Variants in DAPK1 observed in about 807,000 individuals in gnomAD.
DAPK1 encodes the protein death associated protein kinase 1.
DAPK1 carries 56 observed loss-of-function variants against 144.9 expected under a neutral mutation model. The ratio of observed to expected loss-of-function variants is 0.39; its 90% CI spans 0.31 to 0.48. The LOEUF (loss-of-function observed/expected upper bound fraction) is 0.48, where lower values mean the gene tolerates loss of function less well. DAPK1 is among the 20% of genes least tolerant of loss of function. The pLI, the probability that DAPK1 is intolerant of heterozygous loss-of-function variation, is 0.95. For synonymous variants in DAPK1, 690 were observed against 749.0 expected, an observed-to-expected ratio of 0.92 and a Z score of 1.29; for missense variants, 1,454 against 1,875.4, an observed-to-expected ratio of 0.78 and a Z score of 4.15.
intron 2 of DAPK1, among the ~76,000 whole-genome samples, chr9:87,567,497 G>T (rs781582538): frequency 1.3e-5 from 2 of 152,180 alleles, no homozygotes; most frequent in Non-Finnish European, 2.9e-5. Flanking sequence ...AGAAAGACCA[G>T]GTGTGGATCA....
In DAPK1 at chr9:87,706,366, A is replaced by G. The variant is rs1422494583; in HGVS notation, c.3295A>G (p.Thr1099Ala). ...DICARDLSSG[T>A]MVDVPALIKT... ...CTGCGCCCGGGACCTGAGCAGCGGGACCATGGTGGACGTCCCAGCCCTGAT... is the reference window on the plus strand; with the variant it reads ...CTGCGCCCGGGACCTGAGCAGCGGGGCCATGGTGGACGTCCCAGCCCTGAT... Residue 1099 changes from threonine to alanine, a missense_variant, in exon 26 of 26, where the codon ACC becomes GCC. Thr to Ala is a moderately conservative substitution (Grantham distance 58). This residue lies in a region of DAPK1 where 1,025 missense variants were observed against 1,237.9 expected (regional missense o/e 0.83). Transcript: ENST00000408954. The surrounding 1 kb of genome is among the most constrained non-coding windows in gnomAD (Gnocchi z 9.0). The G allele has an allele frequency of 3.7e-6, 6 of 1,609,546 alleles. No homozygotes were observed. Among genetic ancestry groups the G allele is most frequent in the Non-Finnish European group, 5.1e-6 (6 of 1,177,930 alleles).
At chr9:87,689,865 G>A (rs1461519057) in intron 21 of DAPK1, among the ~76,000 whole-genome samples, 1 of 152,112 alleles carries the variant, frequency 6.6e-6, no homozygotes, top group African/African-American at 2.4e-5. Context: ...TGGTCTATGT[G>A]TCTGTTTTTA....
Position 87,706,068 on chromosome 9 carries a change from A to G in DAPK1, c.3061-64A>G, listed in dbSNP as rs1825622294. 14 of 1,260,844 alleles carry G rather than the reference A, an allele frequency of 1.1e-5. No homozygotes were observed. The South Asian group carries it at 1.6e-4, about 15-fold the overall frequency. The allele number at this position is 1,260,844 out of a possible 1,614,324, so 78.1% of individuals were successfully genotyped here. A position where few individuals can be genotyped will look rare whatever the true frequency, so the allele number is the denominator to read the frequency against. On this transcript the variant is annotated intron_variant, in intron 25 of 25. Coordinates refer to ENST00000408954, the MANE Select transcript of DAPK1 (RefSeq NM_004938.4). This position sits in a 1 kb window ranked among gnomAD's most constrained non-coding sequence, Gnocchi z 9.0. ...CCGGCATCAGGCCCTTTAGTGCTCTAAGTGGCTGGTGCACCTGGCCAGGGC... is the reference window on the plus strand; with the variant it reads ...CCGGCATCAGGCCCTTTAGTGCTCTGAGTGGCTGGTGCACCTGGCCAGGGC...
intron 2 of DAPK1, among the ~76,000 whole-genome samples, chr9:87,585,416 A>T (rs868314086): frequency 1.3e-5 from 2 of 152,230 alleles, no homozygotes; most frequent in South Asian, 4.1e-4. Flanking sequence ...TAGGTTGTCT[A>T]TTTGGCTTCT....
chr9:87,641,528 T>G (rs1830093621), intron 9 of DAPK1, among the ~76,000 whole-genome samples: 3 of 152,002 alleles, frequency 2.0e-5, no homozygotes, highest in African/African-American at 7.3e-5. Context: ...CTCCCAGAGG[T>G]GGAGGACAAA....
chr9:87,599,455 T>C (rs1828435489), intron 2 of DAPK1, among the ~76,000 whole-genome samples: 1 of 152,216 alleles, frequency 6.6e-6, no homozygotes, highest in Non-Finnish European at 1.5e-5. Context: ...CTGTTCTTTA[T>C]GAAGCTTGCT....
chr9:87,593,442 T>G (rs1337792905), intron 2 of DAPK1, among the ~76,000 whole-genome samples: 1 of 151,886 alleles, frequency 6.6e-6, no homozygotes, highest in Non-Finnish European at 1.5e-5. Context: ...TGTTCATCTT[T>G]CTTTGTTCTT....
chr9:87,614,001 G>A (rs1267525471), intron 3 of DAPK1, among the ~76,000 whole-genome samples: 1 of 152,242 alleles, frequency 6.6e-6, no homozygotes, highest in Non-Finnish European at 1.5e-5. Flanking sequence ...CAAGAGCAGA[G>A]AAGTAAAGTG....
At chr9:87,580,784 G>A (rs976738606) in intron 2 of DAPK1, among the ~76,000 whole-genome samples, 4 of 152,108 alleles carry the variant, frequency 2.6e-5, no homozygotes, top group South Asian at 2.1e-4. Flanking sequence ...AGACATATAC[G>A]AGTCTCCCAC....
rs1420321578 is a variant in DAPK1, at chr9:87,706,177, G to C, written c.3106G>C (p.Asp1036His). The part of the protein sequence containing the change: ...SETVQDVLLL[D>H]PRWLCTNVLG... ...AACAGTTCAGGACGTGCTGCTCCTGGACCCCCGCTGGCTCTGCACAAACGT... is the reference window on the plus strand; with the variant it reads ...AACAGTTCAGGACGTGCTGCTCCTGCACCCCCGCTGGCTCTGCACAAACGT... Residue 1036 changes from aspartate (D) to histidine (H), a missense_variant, in exon 26 of 26, where the codon GAC (aspartate) becomes CAC (histidine). Around this residue, in one of 2 missense-constraint regions of DAPK1, gnomAD observed 1,025 missense variants for 1,237.9 expected, o/e 0.83. Coordinates refer to ENST00000408954, the MANE Select transcript of DAPK1 (RefSeq NM_004938.4). This position sits in a 1 kb window ranked among gnomAD's most constrained non-coding sequence, Gnocchi z 9.0. The C allele has an allele frequency of 6.2e-7, 1 of 1,609,600 alleles. No homozygotes were observed. Among genetic ancestry groups the C allele is most frequent in the African/African-American group, 1.3e-5 (1 of 74,836 alleles).
At chr9:87,672,119 C>G (rs1343056921) in intron 19 of DAPK1, among the ~76,000 whole-genome samples, 2 of 152,196 alleles carry the variant, frequency 1.3e-5, no homozygotes, top group Non-Finnish European at 2.9e-5. Context: ...CCCTTGCACA[C>G]TGCCTGCACA....
Position 87,657,879 on chromosome 9 carries a change from C to G in DAPK1, c.1825-150C>G, listed in dbSNP as rs577275534. ...AAAGGTTCTGCCTGGCTGGCCTGCC[C>G]CAGTGGAGAGCAAGTTTCAGGAGAA... On this transcript the variant is annotated intron_variant, in intron 17 of 25. Coordinates refer to ENST00000408954, the MANE Select transcript of DAPK1 (RefSeq NM_004938.4). The G allele has an allele frequency of 1.3e-4, 86 of 671,400 alleles. 1 individual carries two copies. The East Asian group carries it at 1.6e-3, about 13-fold the overall frequency. 41.6% of individuals were successfully genotyped at this position (671,400 alleles called of 1,614,324 possible). A position where few individuals can be genotyped will look rare whatever the true frequency, so the allele number is the denominator to read the frequency against.
Position 87,707,537 on chromosome 9 carries a change from C to G in DAPK1, c.*173C>G. 1 of 599,626 alleles carries G rather than the reference C, an allele frequency of 1.7e-6. No homozygotes were observed. The highest frequency in any genetic ancestry group is 2.8e-5 in the East Asian group (1 of 36,232). The allele number at this position is 599,626 out of a possible 1,614,324, so 37.1% of individuals were successfully genotyped here. On this transcript the variant is annotated 3_prime_UTR_variant, in exon 26 of 26. Transcript: ENST00000408954. The surrounding 1 kb of genome is among the most constrained non-coding windows in gnomAD (Gnocchi z 4.0). The stretch of plus-strand genomic sequence containing the variant: ...TCTCTGCCGCTACCTCCCTCCCCGT[C>G]TCATTCCGTTGTCTGTGGATGGTCA...
At chr9:87,550,978 T>G (rs921064316) in intron 2 of DAPK1, among the ~76,000 whole-genome samples, 2 of 152,162 alleles carry the variant, frequency 1.3e-5, no homozygotes, top group East Asian at 1.9e-4. Context: ...TGGGGACACA[T>G]GTGGAAGGAT....
intron 3 of DAPK1, among the ~76,000 whole-genome samples, chr9:87,619,646 A>G (rs1000422453): frequency 1.3e-5 from 2 of 152,122 alleles, no homozygotes; most frequent in African/African-American, 4.8e-5. Context: ...GCCTGAGAGG[A>G]TTGAGACGCA....
intron 2 of DAPK1, among the ~76,000 whole-genome samples, chr9:87,579,865 AT>A (rs1827690080): frequency 6.6e-6 from 1 of 152,180 alleles, no homozygotes; most frequent in African/African-American, 2.4e-5. Flanking sequence ...ATAAAAATGT[AT>A]TAAGTAGTAT....
At chr9:87,556,388 G>A (rs11141880) in intron 2 of DAPK1, among the ~76,000 whole-genome samples, 52,501 of 151,954 alleles carry the variant, frequency 0.35, 9,397 homozygotes, top group Middle Eastern at 0.5. Flanking sequence ...CCACGTGTGT[G>A]TACCTGTACC....
intron 2 of DAPK1, among the ~76,000 whole-genome samples, chr9:87,582,276 T>C (rs1251176120): frequency 6.6e-6 from 1 of 152,114 alleles, no homozygotes; most frequent in Non-Finnish European, 1.5e-5. Flanking sequence ...GTGAAATGAA[T>C]TATTATAAAA....
chr9:87,687,806 T>C (rs115695820), intron 21 of DAPK1, among the ~76,000 whole-genome samples: 1,766 of 82,490 alleles, frequency 0.021, 14 homozygotes, highest in South Asian at 0.066. Flanking sequence ...CAGCTTCTGC[T>C]ATTTTTTTTT....
Sources: gnomAD v4.1 joint callset for allele counts (sites outside exome capture counted in the v4.1 genomes callset) on GRCh38, gnomAD v4.1.1 for gene constraint, gnomAD v4.1.1 regional missense constraint, Gnocchi (gnomAD v3.1) non-coding constraint, MANE v1.5 for transcripts, NCBI Gene and HGNC (gene_info 2026-07-23, HGNC 2026-07-21) for gene names.